MAGI3: variants seen among roughly 807,000 people sequenced by gnomAD.
The protein encoded by MAGI3 is membrane-associated guanylate kinase, WW and PDZ domain-containing protein 3.
In MAGI3, 43 loss-of-function variants were observed where a neutral mutation model predicts 121.8. That is an observed-to-expected ratio of 0.35 (90% CI 0.28 to 0.46). The LOEUF is 0.46. Ranked by LOEUF, MAGI3 falls within the 20% of genes least tolerant of loss-of-function variation. The pLI is 1.00. For synonymous variants in MAGI3, 553 were observed against 639.3 expected (o/e 0.86, Z 2.04); for missense variants, 1,547 against 1,797.3 (o/e 0.86, Z 2.52).
intron 1 of MAGI3, among the ~76,000 whole-genome samples, chr1:113,510,198 A>G (rs1219559700): frequency 6.6e-6 from 1 of 152,188 alleles, no homozygotes; most frequent in African/African-American, 2.4e-5. Flanking sequence ...AAACATTTGT[A>G]AACCATAATC....
At chr1:113,521,943 G>T (rs865940054) in intron 1 of MAGI3, among the ~76,000 whole-genome samples, 11 of 152,076 alleles carry the variant, frequency 7.2e-5, no homozygotes, top group African/African-American at 2.7e-4. Context: ...GCTTTAGGTG[G>T]TTGTTCAGTT....
At chr1:113,452,166 G>C (rs1405016818) in intron 1 of MAGI3, among the ~76,000 whole-genome samples, 2 of 152,066 alleles carry the variant, frequency 1.3e-5, no homozygotes, top group African/African-American at 2.4e-5. Context: ...CCTTGCTTAT[G>C]TCACCCAATT....
At chr1:113,676,773 C>T (rs771048058) in intron 19 of MAGI3, among the ~76,000 whole-genome samples, 7 of 152,118 alleles carry the variant, frequency 4.6e-5, no homozygotes, top group Non-Finnish European at 1.0e-4. Flanking sequence ...GCTTGCCTCT[C>T]CTCTTCTCCC....
chr1:113,549,414 C>T (rs933968749), intron 1 of MAGI3, 101 bp from the exon 2 acceptor site: 7 of 579,632 alleles, frequency 1.2e-5, no homozygotes, highest in African/African-American at 1.1e-4. Flanking sequence ...CTGTTTATAG[C>T]TAACTGGTTT....
chr1:113,626,706 C>T (rs187994838), intron 9 of MAGI3, among the ~76,000 whole-genome samples: 5 of 152,052 alleles, frequency 3.3e-5, no homozygotes, highest in African/African-American at 1.2e-4. Flanking sequence ...GGAATTTATC[C>T]ATTTCTTCTA....
chr1:113,535,455 T>C (rs545320011), intron 1 of MAGI3, among the ~76,000 whole-genome samples: 3 of 152,174 alleles, frequency 2.0e-5, no homozygotes, highest in Non-Finnish European at 2.9e-5. Flanking sequence ...AATGCTATTC[T>C]GCACCTTCCT....
rs1648479796 is a variant in MAGI3, at chr1:113,685,327, A to T, written c.*1313A>T. 6.6e-6 allele frequency: 1 copy of T among 152,388 alleles called. No homozygotes were observed. The highest frequency in any genetic ancestry group is 1.5e-5 in the Non-Finnish European group (1 of 68,034). 9.4% of individuals were successfully genotyped at this position (152,388 alleles called of 1,614,324 possible). On this transcript the variant is annotated 3_prime_UTR_variant, in exon 21 of 21. Coordinates refer to ENST00000307546, the MANE Select transcript of MAGI3 (RefSeq NM_001142782.2). ...CCTGAAGCAGCATTCAGTAGCATCTATATAAATAAAGGCACCTTCTGAGAA... is the reference window on the plus strand; with the variant it reads ...CCTGAAGCAGCATTCAGTAGCATCTTTATAAATAAAGGCACCTTCTGAGAA...
At chr1:113,534,919 G>C (rs1349776877) in intron 1 of MAGI3, among the ~76,000 whole-genome samples, 1 of 152,102 alleles carries the variant, frequency 6.6e-6, no homozygotes, top group Non-Finnish European at 1.5e-5. Flanking sequence ...GGTCTTAACA[G>C]TAAATTGCCT....
At chr1:113,538,024 G>A (rs753635832) in intron 1 of MAGI3, among the ~76,000 whole-genome samples, 3 of 152,182 alleles carry the variant, frequency 2.0e-5, no homozygotes, top group Non-Finnish European at 4.4e-5. Flanking sequence ...CTGCAGAAAA[G>A]TTCTGAGGGT....
intron 1 of MAGI3, among the ~76,000 whole-genome samples, chr1:113,451,629 AT>A (rs59185306): frequency 1.4e-4 from 21 of 150,040 alleles, no homozygotes; most frequent in East Asian, 1.4e-3. Flanking sequence ...TAAGGAGGGA[AT>A]TTTTTTTTTG....
At chr1:113,430,153 A>G (rs770178458) in intron 1 of MAGI3, among the ~76,000 whole-genome samples, 2 of 152,204 alleles carry the variant, frequency 1.3e-5, no homozygotes, top group Non-Finnish European at 2.9e-5. Flanking sequence ...GTGAATAAAT[A>G]CATTTCTTTT....
At chr1:113,394,333 G>C (rs1557732404) in intron 1 of MAGI3, among the ~76,000 whole-genome samples, 1 of 152,124 alleles carries the variant, frequency 6.6e-6, no homozygotes, top group Non-Finnish European at 1.5e-5. Context: ...CCCGCTTATA[G>C]AAGAATCTTT....
At chr1:113,621,450 G>T (rs1650814026) in intron 8 of MAGI3, among the ~76,000 whole-genome samples, 2 of 151,614 alleles carry the variant, frequency 1.3e-5, no homozygotes, top group Non-Finnish European at 2.9e-5. Flanking sequence ...GAATGAAGAG[G>T]GTATGGGAGG....
At chr1:113,544,493 C>A (rs1659439081) in intron 1 of MAGI3, among the ~76,000 whole-genome samples, 1 of 152,118 alleles carries the variant, frequency 6.6e-6, no homozygotes, top group South Asian at 2.1e-4. Flanking sequence ...CTAGAGAGTT[C>A]TAAAAGAAAA....
chr1:113,496,571 T>G (rs80273054), intron 1 of MAGI3, among the ~76,000 whole-genome samples: 3,546 of 152,328 alleles, frequency 0.023, 133 homozygotes, highest in African/African-American at 0.081. Context: ...ATTTTGATAA[T>G]CAGTTTCTTG....
At chr1:113,417,643 T>C (rs1652523493) in intron 1 of MAGI3, among the ~76,000 whole-genome samples, 1 of 152,284 alleles carries the variant, frequency 6.6e-6, no homozygotes, top group South Asian at 2.1e-4. Context: ...CTGCCTAAAA[T>C]CAGTTTCTTC....
chr1:113,452,225 T>C (rs976676765), intron 1 of MAGI3, among the ~76,000 whole-genome samples: 1 of 152,138 alleles, frequency 6.6e-6, no homozygotes, highest in Non-Finnish European at 1.5e-5. Context: ...AGGTATGTAG[T>C]AGCCATAAGG....
chr1:113,521,416 T>G lies in MAGI3; in HGVS notation c.317-28099T>G, dbSNP rs1157650769. Among the ~76,000 whole-genome samples the G allele has an allele frequency of 1.2e-4, 18 of 150,028 alleles. 1 individual carries two copies. Among genetic ancestry groups the G allele is most frequent in the East Asian group, 2.0e-4 (1 of 5,098 alleles). The stretch of plus-strand genomic sequence containing the variant: ...GTGCTGTTTTTTTTTGTTTTTTGTT[T>G]TTTGTTTTTAAGATGGGGACTTGCT... On this transcript the variant is annotated intron_variant, in intron 1 of 20. Transcript: ENST00000307546.
intron 2 of MAGI3, among the ~76,000 whole-genome samples, chr1:113,574,327 G>A (rs1647490479): frequency 1.3e-5 from 2 of 152,106 alleles, no homozygotes; most frequent in African/African-American, 4.8e-5. Context: ...TGCAGTGGCT[G>A]GTACCAATTT....
Sources: gnomAD v4.1 joint callset for allele counts (sites outside exome capture counted in the v4.1 genomes callset) on GRCh38, gnomAD v4.1.1 for gene constraint, MANE v1.5 for transcripts, NCBI Gene and HGNC (gene_info 2026-07-23, HGNC 2026-07-21) for gene names.